The following ADCY7 variants were observed in gnomAD, a reference collection of about 807,000 sequenced individuals.
ADCY7 encodes the protein adenylate cyclase type 7.
In ADCY7, 72 loss-of-function variants were observed where a neutral mutation model predicts 120.6. The observed-to-expected ratio is 0.60, with a 90% CI of 0.49 to 0.73. The LOEUF (loss-of-function observed/expected upper bound fraction) is 0.73. Among genes scored for constraint, ADCY7 ranks in the 30% least tolerant of loss-of-function variants. ADCY7 has a pLI of 0.00. For synonymous variants in ADCY7, 661 were observed against 628.0 expected, an observed-to-expected ratio of 1.05 and a Z score of -0.78; for missense variants, 1,227 against 1,486.0, an observed-to-expected ratio of 0.83 and a Z score of 2.87.
At chr16:50,298,677 C>G (rs1433331203) in intron 7 of ADCY7, among the ~76,000 whole-genome samples, 3 of 152,220 alleles carry the variant, frequency 2.0e-5, no homozygotes, top group Non-Finnish European at 4.4e-5. Flanking sequence ...CCCTTAGGAA[C>G]ACTCGTGTTC....
chr16:50,287,234 C>T (rs946974018), intron 1 of ADCY7, among the ~76,000 whole-genome samples: 5 of 151,566 alleles, frequency 3.3e-5, no homozygotes, highest in Non-Finnish European at 5.9e-5. Context: ...AGGCTGGTCT[C>T]GAACTCCTGA....
At chr16:50,265,333 A>T (rs2033172969), upstream of ADCY7, among the ~76,000 whole-genome samples, 1 of 150,038 alleles carries the variant, frequency 6.7e-6, no homozygotes, top group South Asian at 2.2e-4. Flanking sequence ...GAGGTCTCCC[A>T]CTCCCTCCTG....
At chr16:50,270,220 T>C (rs918484837) in intron 1 of ADCY7, among the ~76,000 whole-genome samples, 6 of 150,876 alleles carry the variant, frequency 4.0e-5, no homozygotes, top group South Asian at 2.1e-4. Flanking sequence ...GATAGATAGA[T>C]AGATAGATAA....
rs2036120833 is a variant in ADCY7 at position 50,307,111 on chromosome 16, T to C, written c.1814T>C (p.Val605Ala). ...TTTGCCTGCGCCAGCCTGATCTTCG[T>C]CTGCATCCTGCTCGTCCATGTCCTG... ...HDFACASLIF[V>A]CILLVHVLLM... Residue 605 changes from valine to alanine, a missense_variant, in exon 15 of 26, where the codon GTC becomes GCC. Val to Ala is a moderately conservative substitution (Grantham distance 64). Transcript: ENST00000673801. 6.2e-7 allele frequency: 1 copy of C among 1,612,182 alleles called. No homozygotes were observed. The highest frequency in any genetic ancestry group is 1.3e-5 in the African/African-American group (1 of 75,026).
At chr16:50,280,017 G>A (rs1354351559) in intron 1 of ADCY7, among the ~76,000 whole-genome samples, 1 of 152,142 alleles carries the variant, frequency 6.6e-6, no homozygotes, top group Non-Finnish European at 1.5e-5. Flanking sequence ...CTGTGGGAAT[G>A]GTACTAGCTC....
At position 50,309,559 on chromosome 16, in the gene ADCY7, T is replaced by C. The variant is rs2036310271; in HGVS notation, c.2073T>C (p.Pro691=). The C allele has an allele frequency of 1.9e-6, 3 of 1,613,958 alleles. No homozygotes were observed. Among genetic ancestry groups the C allele is most frequent in the Non-Finnish European group, 1.7e-6 (2 of 1,179,948 alleles). Residue 691 remains proline (P), a synonymous_variant, in exon 18 of 26, where the codon CCT becomes CCC. Transcript: ENST00000673801. ...TGTCTCCTCTACAGCCCCTGATGCC[T>C]TTCCAAGTTCCAGAGCTGCCTGTTG... The part of the protein sequence containing the change: ...TVAIINLPLM[P]FQVPELPVGN...
At chr16:50,278,608 G>A (rs948151578) in intron 1 of ADCY7, among the ~76,000 whole-genome samples, 8 of 152,002 alleles carry the variant, frequency 5.3e-5, no homozygotes, top group Non-Finnish European at 8.8e-5. Flanking sequence ...ATGGCTTTTG[G>A]GTTTTGTGTC....
chr16:50,280,375 A>AG (rs2034180307), intron 1 of ADCY7, among the ~76,000 whole-genome samples: 1 of 28,766 alleles, frequency 3.5e-5, no homozygotes, highest in African/African-American at 1.7e-4. Context: ...TAATTTTTTC[A>AG]AAAAAAAAAA....
At chr16:50,296,501 C>T (rs1276363072) in intron 7 of ADCY7, among the ~76,000 whole-genome samples, 1 of 151,964 alleles carries the variant, frequency 6.6e-6, no homozygotes, top group African/African-American at 2.4e-5. Flanking sequence ...GGACTACAGG[C>T]GCCTGCCACC....
intron 1 of ADCY7, among the ~76,000 whole-genome samples, chr16:50,270,492 C>G (rs1013960209): frequency 8.5e-5 from 13 of 152,154 alleles, no homozygotes; most frequent in African/African-American, 2.7e-4. Context: ...TAAAGGTACC[C>G]CCTGCATCAG....
chr16:50,305,354 C>T lies in ADCY7; in HGVS notation c.1596-149C>T, dbSNP rs934740033. On this transcript the variant is annotated intron_variant, in intron 12 of 25. Transcript: ENST00000673801. ...TGCTGGGCCATGCTGGGTCCTCACT[C>T]GCCCTCTCTGGGCCTCAGTGGGACC... 5.3e-6 allele frequency: 4 copies of T among 750,620 alleles called. No homozygotes were observed. The African/African-American group carries it at 6.9e-5, about 13-fold the overall frequency. The allele number at this position is 750,620 out of a possible 1,614,324, so 46.5% of individuals were successfully genotyped here.
intron 1 of ADCY7, among the ~76,000 whole-genome samples, chr16:50,276,566 G>T (rs114769309): frequency 0.015 from 2,276 of 152,314 alleles, 63 homozygotes; most frequent in African/African-American, 0.051. Flanking sequence ...AGAGTCTGTT[G>T]GGTCATGTAA....
In ADCY7 at chr16:50,315,346, T is replaced by C. The variant is rs1271395531; in HGVS notation, c.3097-13T>C. On this transcript the variant is annotated splice_polypyrimidine_tract_variant and intron_variant, in intron 25 of 25. Coordinates refer to ENST00000673801, the MANE Select transcript of ADCY7 (RefSeq NM_001114.5). ...CCCGCCTCTGAAGACAACAGGTCTC[T>C]CTTCCTTTTCAGGTTACCGAGGAGA... is the stretch of plus-strand genomic sequence containing the variant. The C allele has an allele frequency of 6.2e-7, 1 of 1,601,656 alleles. No homozygotes were observed. Among genetic ancestry groups the C allele is most frequent in the Admixed American group, 1.7e-5 (1 of 59,796 alleles).
At position 50,300,749 on chromosome 16, in the gene ADCY7, A is replaced by G. The variant is rs2035659752; in HGVS notation, c.1111A>G (p.Met371Val). 1 of 1,552,048 alleles carries G rather than the reference A, an allele frequency of 6.4e-7. No homozygotes were observed. Among genetic ancestry groups the G allele is most frequent in the Non-Finnish European group, 8.7e-7 (1 of 1,147,254 alleles). ...VREATGVDIN[M>V]RVGIHSGNVL... ...GGAGGCCACGGGCGTGGACATCAACATGCGTGTGGGCATACACTCGGGGAA... is the reference window on the plus strand; with the variant it reads ...GGAGGCCACGGGCGTGGACATCAACGTGCGTGTGGGCATACACTCGGGGAA... Residue 371 changes from methionine (M) to valine (V), a missense_variant, in exon 9 of 26, where the codon ATG becomes GTG. This residue lies in a region of ADCY7 where 332 missense variants were observed against 455.8 expected (regional missense o/e 0.73). Transcript: ENST00000673801.
At chr16:50,306,999 G>A (rs1440455671) in intron 14 of ADCY7, 51 bp from the exon 15 acceptor site, 4 of 1,428,526 alleles carry the variant, frequency 2.8e-6, no homozygotes, top group Non-Finnish European at 3.9e-6. Context: ...GAGGCAGGGT[G>A]GGCAAGTGGC....
rs925677599 is a variant in ADCY7 at position 50,311,842 on chromosome 16, C to A, written c.2448+56C>A. On this transcript the variant is annotated intron_variant, in intron 20 of 25. Transcript: ENST00000673801. ...AGCTCTGCCCACTTTTCCTCACCTCCATCTGGAGATGGGGTGGGGTGGGGT... is the reference window on the plus strand; with the variant it reads ...AGCTCTGCCCACTTTTCCTCACCTCAATCTGGAGATGGGGTGGGGTGGGGT... The A allele has an allele frequency of 2.7e-5, 36 of 1,331,108 alleles. No individual in the cohort carries two copies. In the African/African-American group the frequency reaches 3.7e-4, roughly 14 times the overall value. The allele number at this position is 1,331,108 out of a possible 1,614,324, so 82.5% of individuals were successfully genotyped here. A position where few individuals can be genotyped will look rare whatever the true frequency, so the allele number is the denominator to read the frequency against.
intron 1 of ADCY7, among the ~76,000 whole-genome samples, chr16:50,258,185 A>G (rs2032967099): frequency 6.6e-6 from 1 of 152,136 alleles, no homozygotes; most frequent in Non-Finnish European, 1.5e-5. Flanking sequence ...GCAGTGAGCT[A>G]TGACTGCGCC....
upstream of ADCY7, among the ~76,000 whole-genome samples, chr16:50,265,457 C>G (rs1395380893): frequency 6.6e-6 from 1 of 152,164 alleles, no homozygotes; most frequent in African/African-American, 2.4e-5. Context: ...GAGACAGCAC[C>G]TAACATGTTC....
chr16:50,267,371 C>T (rs2033281426), intron 1 of ADCY7, among the ~76,000 whole-genome samples: 1 of 152,150 alleles, frequency 6.6e-6, no homozygotes, highest in South Asian at 2.1e-4. Context: ...AGGGCAGGGA[C>T]ATCTGTGGCT....
Sources: allele counts gnomAD v4.1 joint callset (sites outside exome capture counted in the v4.1 genomes callset), GRCh38; gene constraint gnomAD v4.1.1; regional missense constraint gnomAD v4.1.1; transcripts MANE v1.5; gene names NCBI Gene and HGNC (gene_info 2026-07-23, HGNC 2026-07-21).